USP12: variants seen among roughly 807,000 people sequenced by gnomAD.
The protein encoded by USP12 is ubiquitin specific peptidase 12.
USP12 carries 19 observed loss-of-function variants against 45.5 expected under a neutral mutation model. The observed-to-expected ratio is 0.42, with a 90% CI of 0.29 to 0.61. USP12 has a LOEUF of 0.61. Ranked by LOEUF, USP12 falls within the 20% of genes least tolerant of loss-of-function variation. The pLI is 0.22. For synonymous variants in USP12, 149 were observed against 148.8 expected (o/e 1.00, Z -0.01); for missense variants, 242 against 447.7 (o/e 0.54, Z 4.15).
intron 1 of USP12, among the ~76,000 whole-genome samples, chr13:27,141,446 A>G (rs79993737): frequency 6.6e-6 from 1 of 152,318 alleles, no homozygotes; most frequent in East Asian, 1.9e-4. Context: ...ATTCTCCACT[A>G]AAAGAAATCA....
chr13:27,081,235 AT>A (rs1448241813), intron 6 of USP12, among the ~76,000 whole-genome samples: 1 of 152,166 alleles, frequency 6.6e-6, no homozygotes, highest in Non-Finnish European at 1.5e-5. Context: ...AATTGAGTCA[AT>A]CCTCTCAAAC....
Position 27,066,609 on chromosome 13 carries a change from A to T in USP12, c.*2674T>A, listed in dbSNP as rs1234535209. The T allele has an allele frequency of 1.3e-5, 2 of 152,166 alleles. No homozygotes were observed. Among genetic ancestry groups the T allele is most frequent in the Non-Finnish European group, 2.9e-5 (2 of 68,022 alleles). The allele number at this position is 152,166 out of a possible 1,614,324, so 9.4% of individuals were successfully genotyped here. ...TGGTTCCTGTCTTAAATAATCTTTTAAAGGTAAAATTTCCAAGACAGAAGC... is the reference window on the plus strand; with the variant it reads ...TGGTTCCTGTCTTAAATAATCTTTTTAAGGTAAAATTTCCAAGACAGAAGC... On this transcript the variant is annotated 3_prime_UTR_variant, in exon 9 of 9. Transcript: ENST00000282344.
chr13:27,112,262 C>T (rs965943714), intron 2 of USP12, among the ~76,000 whole-genome samples: 3 of 151,702 alleles, frequency 2.0e-5, no homozygotes, highest in Admixed American at 6.6e-5. Flanking sequence ...AGAACAGTTA[C>T]TGGCCCTTCA....
At chr13:27,102,743 G>T (rs1593184986) in intron 3 of USP12, among the ~76,000 whole-genome samples, 1 of 151,962 alleles carries the variant, frequency 6.6e-6, no homozygotes, top group South Asian at 2.1e-4. Context: ...TTTTTTTCGT[G>T]ACAGTGACAC....
intron 7 of USP12, among the ~76,000 whole-genome samples, chr13:27,072,609 A>G (rs913203219): frequency 2.6e-5 from 4 of 152,212 alleles, no homozygotes; most frequent in Non-Finnish European, 4.4e-5. Flanking sequence ...AGTACAATAG[A>G]TAACTACTCC....
chr13:27,071,150 C>A lies in USP12; in HGVS notation c.933-1G>T. On this transcript the variant is annotated splice_acceptor_variant, in intron 7 of 8. Transcript: ENST00000282344. LOFTEE classifies it high-confidence loss of function. ...AATATAATGGCCTCGATTGGGACCACTAAAACAAACGAAGAAGAAGTTAAT... is the reference window on the plus strand; with the variant it reads ...AATATAATGGCCTCGATTGGGACCAATAAAACAAACGAAGAAGAAGTTAAT... 6.3e-7 allele frequency: 1 copy of A among 1,590,276 alleles called. No individual in the cohort carries two copies. The highest frequency in any genetic ancestry group is 8.5e-7 in the Non-Finnish European group (1 of 1,172,186).
intron 7 of USP12, among the ~76,000 whole-genome samples, chr13:27,073,748 A>G (rs1042330021): frequency 1.3e-5 from 2 of 152,236 alleles, no homozygotes; most frequent in Non-Finnish European, 2.9e-5. Context: ...TAAGCGATTT[A>G]CATCTCCCTT....
intron 1 of USP12, chr13:27,168,898 A>G (rs893336739): frequency 6.6e-6 from 1 of 152,192 alleles, no homozygotes; most frequent in Non-Finnish European, 1.5e-5. Context: ...TTCAGTACTT[A>G]TAGAATAAAA....
intron 4 of USP12, among the ~76,000 whole-genome samples, chr13:27,090,680 T>G (rs1874269729): frequency 2.6e-5 from 4 of 152,242 alleles, no homozygotes; most frequent in Admixed American, 2.6e-4. Context: ...CACTTGCTCA[T>G]GTGAACTGGA....
intron 1 of USP12, among the ~76,000 whole-genome samples, chr13:27,138,087 C>A (rs1358159048): frequency 6.6e-6 from 1 of 152,206 alleles, no homozygotes; most frequent in East Asian, 1.9e-4. Context: ...GAGCCCTGGC[C>A]AGCACACTGA....
chr13:27,071,261 ACT>A, intron 7 of USP12, 112 bp from the exon 8 acceptor site: 3 of 904,648 alleles, frequency 3.3e-6, no homozygotes, highest in Non-Finnish European at 4.9e-6. Flanking sequence ...GTAAAAAAGA[ACT>A]GCTTCTTTTT....
chr13:27,117,342 C>T (rs1345258250), intron 1 of USP12, among the ~76,000 whole-genome samples: 2 of 151,984 alleles, frequency 1.3e-5, no homozygotes, highest in East Asian at 3.9e-4. Context: ...TATAAATATG[C>T]ACATGCTCAG....
chr13:27,131,116 AAC>A (rs1876480115), intron 1 of USP12, among the ~76,000 whole-genome samples: 1 of 152,276 alleles, frequency 6.6e-6, no homozygotes, highest in African/African-American at 2.4e-5. Flanking sequence ...ACATATGTTA[AAC>A]ACAATTTGAA....
At chr13:27,071,392 A>G (rs1426411629) in intron 7 of USP12, among the ~76,000 whole-genome samples, 1 of 152,190 alleles carries the variant, frequency 6.6e-6, no homozygotes, top group Non-Finnish European at 1.5e-5. Flanking sequence ...TTTCACATAC[A>G]GCTATATTAC....
At chr13:27,076,553 T>C (rs1274602922) in intron 6 of USP12, among the ~76,000 whole-genome samples, 1 of 152,242 alleles carries the variant, frequency 6.6e-6, no homozygotes, top group African/African-American at 2.4e-5. Context: ...TATGGTTCTT[T>C]TCTTCTAGGC....
intron 1 of USP12, among the ~76,000 whole-genome samples, chr13:27,160,455 A>G (rs549596631): frequency 3.3e-5 from 5 of 152,080 alleles, no homozygotes; most frequent in Non-Finnish European, 7.4e-5. Context: ...ATAAAAACAA[A>G]TGAAACTAAC....
At chr13:27,153,516 G>A (rs759096088) in intron 1 of USP12, among the ~76,000 whole-genome samples, 5 of 152,132 alleles carry the variant, frequency 3.3e-5, no homozygotes, top group Non-Finnish European at 7.4e-5. Flanking sequence ...GAGTGGAAAC[G>A]TCACTTCCAT....
intron 1 of USP12, among the ~76,000 whole-genome samples, chr13:27,140,592 A>C (rs928763304): frequency 9.9e-5 from 15 of 152,166 alleles, no homozygotes; most frequent in African/African-American, 3.6e-4. Context: ...GTACCCTCAA[A>C]ATAACCTTAG....
intron 1 of USP12, among the ~76,000 whole-genome samples, chr13:27,133,262 T>C (rs576080896): frequency 7.9e-5 from 12 of 152,330 alleles, no homozygotes; most frequent in African/African-American, 2.9e-4. Context: ...CTTTCTGTTA[T>C]TTCTATAAAA....
Sources: allele counts gnomAD v4.1 joint callset (sites outside exome capture counted in the v4.1 genomes callset), GRCh38; gene constraint gnomAD v4.1.1; transcripts MANE v1.5; gene names NCBI Gene and HGNC (gene_info 2026-07-23, HGNC 2026-07-21).